TBC1D5: variants seen among roughly 807,000 people sequenced by gnomAD.
TBC1D5 encodes the protein TBC1 domain family member 5, also known as TBC1 domain family, member 5.
A neutral mutation model predicts 100.3 loss-of-function variants in TBC1D5; 75 were observed. The ratio of observed to expected loss-of-function variants is 0.75; its 90% CI spans 0.62 to 0.91. TBC1D5 has a LOEUF of 0.91. TBC1D5 is among the 40% of genes least tolerant of loss of function. The pLI, the probability that TBC1D5 is intolerant of heterozygous loss-of-function variation, is 0.00. For synonymous variants in TBC1D5, 323 were observed against 325.6 expected (o/e 0.99, Z 0.09); for missense variants, 910 against 942.4 (o/e 0.97, Z 0.45).
chr3:17,504,030 T>C (rs964741534), intron 3 of TBC1D5, among the ~76,000 whole-genome samples: 2 of 149,240 alleles, frequency 1.3e-5, no homozygotes, highest in African/African-American at 2.5e-5. Context: ...CAGGAGAGTA[T>C]ATTAACTTTT....
intron 1 of TBC1D5, among the ~76,000 whole-genome samples, chr3:17,655,657 A>C (rs949183878): frequency 9.2e-5 from 14 of 152,100 alleles, no homozygotes; most frequent in African/African-American, 3.4e-4. Context: ...GAAATACTAC[A>C]AAATCTGAAA....
At chr3:17,648,311 T>A (rs553805520) in intron 1 of TBC1D5, among the ~76,000 whole-genome samples, 1 of 152,212 alleles carries the variant, frequency 6.6e-6, no homozygotes, top group South Asian at 2.1e-4. Flanking sequence ...CCTTACTCCA[T>A]ACACAAAAAT....
chr3:17,420,789 G>A (rs1010210607), intron 4 of TBC1D5, among the ~76,000 whole-genome samples: 7 of 152,100 alleles, frequency 4.6e-5, no homozygotes, highest in African/African-American at 1.4e-4. Context: ...GTGTGTCCAG[G>A]GGAAAGGACT....
chr3:17,371,068 T>TACAC (rs111820681), intron 13 of TBC1D5, among the ~76,000 whole-genome samples: 4,538 of 146,460 alleles, frequency 0.031, 200 homozygotes, highest in African/African-American at 0.1. Context: ...ACTGAAAAAA[T>TACAC]ACACACACAC....
chr3:17,233,025 T>C (rs2075546638), intron 17 of TBC1D5, among the ~76,000 whole-genome samples: 1 of 152,156 alleles, frequency 6.6e-6, no homozygotes, highest in African/African-American at 2.4e-5. Context: ...TGCAGCCACT[T>C]TAAGTATTTA....
chr3:17,591,257 A>AC (rs2096768574), intron 2 of TBC1D5, among the ~76,000 whole-genome samples: 2 of 121,424 alleles, frequency 1.6e-5, no homozygotes, highest in Non-Finnish European at 3.5e-5. Context: ...AAAAAAAAAA[A>AC]AAAAAAAAAC....
chr3:17,352,499 G>T (rs2090723175), intron 13 of TBC1D5, among the ~76,000 whole-genome samples: 1 of 151,220 alleles, frequency 6.6e-6, no homozygotes, highest in Non-Finnish European at 1.5e-5. Context: ...ATTTGTTTTG[G>T]GTTCCTTTTA....
chr3:17,469,735 G>T (rs756120574), intron 3 of TBC1D5, among the ~76,000 whole-genome samples: 5 of 152,144 alleles, frequency 3.3e-5, no homozygotes, highest in African/African-American at 7.2e-5. Context: ...TGCCTGCAAG[G>T]CATGTTTATG....
intron 18 of TBC1D5, among the ~76,000 whole-genome samples, chr3:17,201,238 T>C (rs1484681728): frequency 6.6e-6 from 1 of 152,092 alleles, no homozygotes; most frequent in African/African-American, 2.4e-5. Context: ...AGTGCAGAAT[T>C]TGGAGAGTGA....
chr3:17,673,709 TGAA>T (rs780546310), intron 1 of TBC1D5, among the ~76,000 whole-genome samples: 6 of 152,176 alleles, frequency 3.9e-5, no homozygotes, highest in Non-Finnish European at 5.9e-5. Flanking sequence ...ACCTGAAACG[TGAA>T]GGTCTATCTT....
intron 17 of TBC1D5, among the ~76,000 whole-genome samples, chr3:17,235,560 C>T (rs1368323771): frequency 6.6e-6 from 1 of 152,178 alleles, no homozygotes; most frequent in Non-Finnish European, 1.5e-5. Context: ...CAGCAGGATA[C>T]ATGTGGGAAA....
At chr3:17,469,105 C>A (rs1408576685) in intron 3 of TBC1D5, among the ~76,000 whole-genome samples, 3 of 152,010 alleles carry the variant, frequency 2.0e-5, no homozygotes, top group African/African-American at 7.3e-5. Context: ...AATACACTCC[C>A]ACAATAGTTC....
chr3:17,295,880 C>A (rs1232156546), intron 14 of TBC1D5, among the ~76,000 whole-genome samples: 1 of 151,980 alleles, frequency 6.6e-6, no homozygotes, highest in South Asian at 2.1e-4. Flanking sequence ...CTCCTAATTC[C>A]CCCTAAGGAA....
chr3:17,717,721 G>A (rs980428189), intron 1 of TBC1D5, among the ~76,000 whole-genome samples: 1 of 152,066 alleles, frequency 6.6e-6, no homozygotes, highest in Admixed American at 6.6e-5. Context: ...GTGACTAGGT[G>A]GCCACCAATA....
chr3:17,622,654 T>G (rs1321330786), intron 2 of TBC1D5: 4 of 152,034 alleles, frequency 2.6e-5, no homozygotes, highest in Non-Finnish European at 5.9e-5. Context: ...TTACACCAGG[T>G]TCTCAGGTCT....
intron 19 of TBC1D5, 57 bp downstream of exon 20, chr3:17,185,052 T>C (rs769406609): frequency 2.7e-6 from 4 of 1,476,226 alleles, no homozygotes; most frequent in Non-Finnish European, 3.8e-6. Flanking sequence ...AAAGTATTGC[T>C]AGTGGCTATT....
intron 1 of TBC1D5, among the ~76,000 whole-genome samples, chr3:17,639,087 A>T (rs1247657867): frequency 6.6e-6 from 1 of 152,164 alleles, no homozygotes; most frequent in East Asian, 1.9e-4. Context: ...AGATTTATTA[A>T]TAATAGCCAA....
intron 2 of TBC1D5, among the ~76,000 whole-genome samples, chr3:17,569,694 T>G (rs1423948879): frequency 2.0e-5 from 3 of 151,498 alleles, no homozygotes; most frequent in Admixed American, 2.0e-4. Flanking sequence ...AACCAAGGGA[T>G]GACTGGTTTT....
chr3:17,588,835 G>C (rs1421516720), intron 2 of TBC1D5, among the ~76,000 whole-genome samples: 1 of 152,152 alleles, frequency 6.6e-6, no homozygotes, highest in East Asian at 1.9e-4. Context: ...AATATAAAAA[G>C]TCAACATAAA....
Sources: allele counts gnomAD v4.1 joint callset (sites outside exome capture counted in the v4.1 genomes callset), GRCh38; gene constraint gnomAD v4.1.1; transcripts MANE v1.5; gene names NCBI Gene and HGNC (gene_info 2026-07-23, HGNC 2026-07-21).